Variants in DOCK3 observed in about 807,000 individuals in gnomAD.
DOCK3 encodes the protein dedicator of cytokinesis protein 3.
In DOCK3, 60 loss-of-function variants were observed where a neutral mutation model predicts 265.6. The ratio of observed to expected loss-of-function variants is 0.23; its 90% CI spans 0.18 to 0.28. The LOEUF (loss-of-function observed/expected upper bound fraction) is 0.28. DOCK3 is among the 10% of genes least tolerant of loss of function. The probability of loss-of-function intolerance (pLI) is 1.00; values close to 1 mark genes in which losing one functional copy is unlikely to be tolerated. For missense variants in DOCK3, 1,981 were observed against 2,594.3 expected (o/e 0.76, Z 5.14); for synonymous variants, 881 against 938.0 (o/e 0.94, Z 1.11).
chr3:50,912,226 G>C (rs1264550192), intron 4 of DOCK3, among the ~76,000 whole-genome samples: 1 of 152,008 alleles, frequency 6.6e-6, no homozygotes, highest in African/African-American at 2.4e-5. Context: ...TCTTTGACAC[G>C]ATCCAGAAGT....
intron 5 of DOCK3, among the ~76,000 whole-genome samples, chr3:51,039,556 C>T (rs2080398876): frequency 6.6e-6 from 1 of 152,192 alleles, no homozygotes; most frequent in South Asian, 2.1e-4. Flanking sequence ...TTACTTTTTC[C>T]TTTGCATTTT....
chr3:50,976,804 T>C (rs2077468393), intron 5 of DOCK3, among the ~76,000 whole-genome samples: 1 of 149,600 alleles, frequency 6.7e-6, no homozygotes, highest in Admixed American at 6.7e-5. Flanking sequence ...CACTCAGGAC[T>C]TGCTTTATGA....
intron 1 of DOCK3, among the ~76,000 whole-genome samples, chr3:50,680,050 T>G (rs968358563): frequency 1.3e-5 from 2 of 152,204 alleles, no homozygotes; most frequent in Non-Finnish European, 2.9e-5. Context: ...TTTGAGATTC[T>G]AAGCCACAGA....
At chr3:50,759,774 C>G (rs1033352640) in intron 1 of DOCK3, among the ~76,000 whole-genome samples, 1 of 150,992 alleles carries the variant, frequency 6.6e-6, no homozygotes, top group Non-Finnish European at 1.5e-5. Context: ...GGGAGTATTG[C>G]CTGAGCCCAG....
At chr3:50,930,407 C>T (rs1445809712) in intron 4 of DOCK3, among the ~76,000 whole-genome samples, 1 of 152,176 alleles carries the variant, frequency 6.6e-6, no homozygotes, top group Non-Finnish European at 1.5e-5. Context: ...GCTCCCTGCC[C>T]ACAAGAGCCC....
intron 27 of DOCK3, among the ~76,000 whole-genome samples, chr3:51,296,356 T>G (rs2082077639): frequency 6.6e-6 from 1 of 152,162 alleles, no homozygotes; most frequent in African/African-American, 2.4e-5. Flanking sequence ...AATTGAAAGA[T>G]TCACAGTTCC....
intron 32 of DOCK3, among the ~76,000 whole-genome samples, chr3:51,321,012 C>A (rs923101569): frequency 2.6e-5 from 4 of 152,182 alleles, no homozygotes; most frequent in Non-Finnish European, 2.9e-5. Context: ...GGGTCCCTGA[C>A]CCCCATGTCT....
At chr3:50,912,106 G>A (rs985521757) in intron 4 of DOCK3, among the ~76,000 whole-genome samples, 4 of 152,020 alleles carry the variant, frequency 2.6e-5, no homozygotes, top group Non-Finnish European at 5.9e-5. Flanking sequence ...TGATCATGTT[G>A]TTTTCAAACA....
intron 1 of DOCK3, among the ~76,000 whole-genome samples, chr3:50,769,555 A>G (rs2041141664): frequency 6.6e-6 from 1 of 152,148 alleles, no homozygotes; most frequent in African/African-American, 2.4e-5. Context: ...TCACACCTGT[A>G]ATCCTAGCAC....
intron 2 of DOCK3, among the ~76,000 whole-genome samples, chr3:50,808,117 ATAG>A (rs1320421557): frequency 6.6e-6 from 1 of 152,244 alleles, no homozygotes; most frequent in Non-Finnish European, 1.5e-5. Flanking sequence ...AATGCTATTT[ATAG>A]TAGTATCAAA....
intron 2 of DOCK3, among the ~76,000 whole-genome samples, chr3:50,805,699 C>T (rs1412614532): frequency 2.0e-5 from 3 of 152,050 alleles, no homozygotes; most frequent in Non-Finnish European, 2.9e-5. Flanking sequence ...CAAGGCTACT[C>T]ATCTGATCTG....
intron 1 of DOCK3, among the ~76,000 whole-genome samples, chr3:50,756,250 T>C (rs2040155797): frequency 6.6e-6 from 1 of 152,150 alleles, no homozygotes; most frequent in Non-Finnish European, 1.5e-5. Context: ...CAGAGGATGG[T>C]CATATACTGG....
At chr3:51,171,593 T>G (rs969016558) in intron 12 of DOCK3, among the ~76,000 whole-genome samples, 2 of 151,858 alleles carry the variant, frequency 1.3e-5, no homozygotes, top group African/African-American at 4.8e-5. Context: ...GGTGGGCACC[T>G]GTAGTCCCAG....
At chr3:51,254,959 G>C (rs1048271034) in intron 22 of DOCK3, among the ~76,000 whole-genome samples, 2 of 152,152 alleles carry the variant, frequency 1.3e-5, no homozygotes, top group Non-Finnish European at 2.9e-5. Context: ...TTTCTTCCTA[G>C]CATCTATGGT....
At chr3:51,110,340 A>G (rs567465614) in intron 9 of DOCK3, among the ~76,000 whole-genome samples, 4 of 152,304 alleles carry the variant, frequency 2.6e-5, no homozygotes, top group East Asian at 1.9e-4. Flanking sequence ...CATCATTCTG[A>G]TACCAAAACC....
At chr3:51,241,602 G>A (rs192596925) in intron 21 of DOCK3, among the ~76,000 whole-genome samples, 26 of 152,196 alleles carry the variant, frequency 1.7e-4, no homozygotes, top group Admixed American at 1.2e-3. Flanking sequence ...CATATTCCTC[G>A]GAGGTTTTGT....
At chr3:50,972,914 G>T in intron 5 of DOCK3, among the ~76,000 whole-genome samples, 1 of 150,022 alleles carries the variant, frequency 6.7e-6, no homozygotes. Context: ...TTCCATACAA[G>T]TTTTAGCATG....
Position 51,338,433 on chromosome 3 carries a change from G to A in DOCK3, c.3672+14G>A. On this transcript the variant is annotated intron_variant, in intron 36 of 52. Coordinates refer to ENST00000266037, the MANE Select transcript of DOCK3 (RefSeq NM_004947.5). Reference sequence around the variant, plus strand: ...GTTAACCTGATGGTGAGAGGACATGGGCCCTGACTTCTCTCTGCCTACTGA... The same window carrying A: ...GTTAACCTGATGGTGAGAGGACATGAGCCCTGACTTCTCTCTGCCTACTGA... 1 of 1,551,770 alleles carries A rather than the reference G, an allele frequency of 6.4e-7. No homozygotes were observed. Among genetic ancestry groups the A allele is most frequent in the South Asian group, 1.2e-5 (1 of 84,056 alleles).
intron 2 of DOCK3, among the ~76,000 whole-genome samples, chr3:50,821,140 CT>C (rs771111717): frequency 9.7e-4 from 116 of 119,462 alleles, no homozygotes; most frequent in East Asian, 1.4e-3. Flanking sequence ...TTTCTTTTTT[CT>C]TTTTTTTTTT....
Sources: gnomAD v4.1 joint callset for allele counts (sites outside exome capture counted in the v4.1 genomes callset) on GRCh38, gnomAD v4.1.1 for gene constraint, MANE v1.5 for transcripts, NCBI Gene and HGNC (gene_info 2026-07-23, HGNC 2026-07-21) for gene names.